STON1: variants seen among roughly 807,000 people sequenced by gnomAD.
STON1 encodes the protein stonin 1, also known as stonin-1.
STON1 carries 79 observed loss-of-function variants against 60.9 expected under a neutral mutation model. The ratio of observed to expected loss-of-function variants is 1.30; its 90% CI spans 1.08 to 1.56. STON1 has a LOEUF of 1.56. Ranked by LOEUF, STON1 falls within the 40% of genes most tolerant of loss-of-function variation. The pLI, the probability that STON1 is intolerant of heterozygous loss-of-function variation, is 0.00. For synonymous variants in STON1, 363 were observed against 306.9 expected, an observed-to-expected ratio of 1.18 and a Z score of -1.91; for missense variants, 1,166 against 858.9, an observed-to-expected ratio of 1.36 and a Z score of -4.47.
At chr2:48,570,225 C>G (rs999743755) in intron 1 of STON1, among the ~76,000 whole-genome samples, 3 of 152,108 alleles carry the variant, frequency 2.0e-5, no homozygotes, top group Non-Finnish European at 4.4e-5. Context: ...ATCTCAGCTA[C>G]TCGGGAGCCT....
intron 1 of STON1, among the ~76,000 whole-genome samples, chr2:48,540,996 G>A (rs1367282452): frequency 2.0e-5 from 3 of 152,138 alleles, no homozygotes; most frequent in Non-Finnish European, 2.9e-5. Context: ...TACCCAATCC[G>A]TCATACTGAC....
chr2:48,547,364 C>G (rs924968905), intron 1 of STON1, among the ~76,000 whole-genome samples: 6 of 149,130 alleles, frequency 4.0e-5, no homozygotes, highest in African/African-American at 1.5e-4. Flanking sequence ...TCATGACAGG[C>G]CCTTAGCACT....
chr2:48,545,255 C>T lies in STON1; in HGVS notation c.-48+15039C>T, dbSNP rs140086900. Among the ~76,000 whole-genome samples the T allele has an allele frequency of 3.6e-3, 549 of 152,266 alleles. 3 individuals are homozygous for T. The highest frequency in any genetic ancestry group is 0.012 in the African/African-American group (495 of 41,552). On this transcript the variant is annotated intron_variant, in intron 1 of 3. Transcript: ENST00000404752. ...CATCTGACATCATCTTTATCAATCA[C>T]CTGACTATAAACTCCAAGTGAGAAT...
intron 2 of STON1, among the ~76,000 whole-genome samples, chr2:48,582,928 C>G (rs13011288): frequency 6.6e-6 from 1 of 152,060 alleles, no homozygotes. Flanking sequence ...TAATTAATCT[C>G]TAAAGATCTG....
intron 1 of STON1, 51 bp downstream of exon 1, chr2:48,530,267 C>T (rs1331531051): frequency 1.4e-5 from 5 of 347,232 alleles, no homozygotes; most frequent in East Asian, 9.2e-5. Context: ...GACCCCCCCT[C>T]TCCAGGGTGG....
At chr2:48,570,843 GTTTTTTTTTTTT>G (rs70946811) in intron 1 of STON1, among the ~76,000 whole-genome samples, 34 of 77,118 alleles carry the variant, frequency 4.4e-4, no homozygotes, top group Middle Eastern at 9.4e-3. Flanking sequence ...CTGTCTCTGA[GTTTTTTTTTTTT>G]TTTTTTTTTT....
At chr2:48,593,800 A>G (rs970844711) in intron 3 of STON1, among the ~76,000 whole-genome samples, 2 of 152,164 alleles carry the variant, frequency 1.3e-5, no homozygotes, top group Non-Finnish European at 2.9e-5. Context: ...ATTTTGGACT[A>G]TCTGTTTAGA....
chr2:48,564,683 CCTTCTTT>C (rs1316155133), intron 1 of STON1, among the ~76,000 whole-genome samples: 1 of 134,294 alleles, frequency 7.4e-6, no homozygotes, highest in Non-Finnish European at 1.5e-5. Context: ...TCTTCTTCTT[CCTTCTTT>C]CTTCTTCTTC....
chr2:48,541,178 C>G (rs756240069), intron 1 of STON1, among the ~76,000 whole-genome samples: 3 of 151,658 alleles, frequency 2.0e-5, no homozygotes. Flanking sequence ...TGGTGAAACC[C>G]TGTCTCTACT....
At chr2:48,557,415 A>G in intron 1 of STON1, among the ~76,000 whole-genome samples, 2 of 80,948 alleles carry the variant, frequency 2.5e-5, no homozygotes, top group South Asian at 4.8e-4. Context: ...CCTAGATGTG[A>G]TGGCGGCCGG....
chr2:48,558,955 G>A (rs899095336), intron 1 of STON1, among the ~76,000 whole-genome samples: 5 of 152,190 alleles, frequency 3.3e-5, no homozygotes, highest in African/African-American at 1.2e-4. Flanking sequence ...TCGAAAGTTA[G>A]GACCTTTTCG....
chr2:48,562,627 G>A (rs1433787015), intron 1 of STON1, among the ~76,000 whole-genome samples: 1 of 152,234 alleles, frequency 6.6e-6, no homozygotes, highest in African/African-American at 2.4e-5. Context: ...TGAGAGGCCA[G>A]GTGACTTTGG....
rs1558605738 is a variant in STON1, at chr2:48,564,572, TCTCC to T, written c.-47-16014_-47-16011del. Among the ~76,000 whole-genome samples the T allele has an allele frequency of 3.7e-4, 20 of 53,998 alleles. 3 individuals are homozygous for T. Among genetic ancestry groups the T allele is most frequent in the Non-Finnish European group, 7.2e-4 (20 of 27,620 alleles). 35.4% of individuals were successfully genotyped at this position (53,998 alleles called of 152,430 possible). Reference sequence around the variant, plus strand: ...TTCTTCTTCTTCTTCTTCTTCTCCTTCTCCTTCTCCTCCTCCTCCTCCTCCTCCT... The same window carrying T: ...TTCTTCTTCTTCTTCTTCTTCTCCTTTTCTCCTCCTCCTCCTCCTCCTCCT... On this transcript the variant is annotated intron_variant, in intron 1 of 3. Coordinates refer to ENST00000404752, the MANE Select transcript of STON1 (RefSeq NM_006873.4).
At position 48,581,529 on chromosome 2, in the gene STON1, T is replaced by C. The variant is rs1488137441; in HGVS notation, c.896T>C (p.Leu299Pro). 3.1e-6 allele frequency: 5 copies of C among 1,614,132 alleles called. No homozygotes were observed. Among genetic ancestry groups the C allele is most frequent in the Non-Finnish European group, 2.5e-6 (3 of 1,180,046 alleles). ...TCCCGGCAATGGGGACCAATTTTTC[T>C]GAAAGTTTTGCCTGGAGGAATTTTG... The part of the protein sequence containing the change: ...MSSRQWGPIF[L>P]KVLPGGILQM... Residue 299 changes from leucine to proline, a missense_variant, in exon 2 of 4, where the codon CTG becomes CCG. By Grantham distance (98) the Leu-to-Pro change is moderately conservative. Coordinates refer to ENST00000404752, the MANE Select transcript of STON1 (RefSeq NM_006873.4).
intron 1 of STON1, among the ~76,000 whole-genome samples, chr2:48,557,077 C>A (rs1316911472): frequency 9.4e-6 from 1 of 106,836 alleles, no homozygotes; most frequent in Admixed American, 9.0e-5. Flanking sequence ...GGGGCTGACC[C>A]CCCCCCACCT....
In STON1 at chr2:48,583,438, C is replaced by T. The variant is rs546442396; in HGVS notation, c.1930+875C>T. Among the ~76,000 whole-genome samples, 120 of 152,232 alleles carry T rather than the reference C, an allele frequency of 7.9e-4. 1 individual carries two copies. Among genetic ancestry groups the T allele is most frequent in the Middle Eastern group, 3.4e-3 (1 of 294 alleles). ...TGGACACACGTGAGTGTTAAAAATT[C>T]AGTTAATTTTTAAAAATTTTGCAAA... is the stretch of plus-strand genomic sequence containing the variant. On this transcript the variant is annotated intron_variant, in intron 2 of 3. Coordinates refer to ENST00000404752, the MANE Select transcript of STON1 (RefSeq NM_006873.4).
At chr2:48,571,251 G>C (rs1399020788) in intron 1 of STON1, among the ~76,000 whole-genome samples, 1 of 152,186 alleles carries the variant, frequency 6.6e-6, no homozygotes, top group Non-Finnish European at 1.5e-5. Context: ...ATGCAGGCTG[G>C]GATGGAATCC....
At chr2:48,591,895 T>A (rs1674536158) in intron 3 of STON1, 40 bp downstream of exon 3, 6 of 1,601,162 alleles carry the variant, frequency 3.7e-6, no homozygotes, top group Admixed American at 1.7e-5. Context: ...CTGATTTGGC[T>A]TTAAATATTT....
chr2:48,572,110 C>T (rs1449175878), intron 1 of STON1, among the ~76,000 whole-genome samples: 1 of 152,074 alleles, frequency 6.6e-6, no homozygotes, highest in Admixed American at 6.5e-5. Flanking sequence ...TTGCAGTGAG[C>T]CAAGATCATG....
Sources: allele counts gnomAD v4.1 joint callset (sites outside exome capture counted in the v4.1 genomes callset), GRCh38; gene constraint gnomAD v4.1.1; transcripts MANE v1.5; gene names NCBI Gene and HGNC (gene_info 2026-07-23, HGNC 2026-07-21).